Variants in IKZF4 observed in about 807,000 individuals in gnomAD.
IKZF4 encodes IKAROS family zinc finger 4, also known as zinc finger protein Eos.
Under a neutral mutation model 47.7 loss-of-function variants are expected in IKZF4, and 11 were observed. That is an observed-to-expected ratio of 0.23 (90% CI 0.15 to 0.38). The LOEUF is 0.38. Ranked by LOEUF, IKZF4 falls within the 10% of genes least tolerant of loss-of-function variation. IKZF4 has a pLI of 1.00. For missense variants in IKZF4, 557 were observed against 784.9 expected (o/e 0.71, Z 3.47); for synonymous variants, 298 against 299.4 (o/e 1.00, Z 0.05).
chr12:56,024,906 G>A (rs1893691841), intron 2 of IKZF4, 148 bp from the exon 3 acceptor site: 1 of 1,498,138 alleles, frequency 6.7e-7, no homozygotes, highest in Admixed American at 2.0e-5. Flanking sequence ...GGGGCACAAG[G>A]TATGGTGCCC....
At chr12:56,033,562 C>G (rs1895208223) in intron 7 of IKZF4, among the ~76,000 whole-genome samples, 2 of 152,138 alleles carry the variant, frequency 1.3e-5, no homozygotes, top group African/African-American at 2.4e-5. Context: ...AAAAAATTAG[C>G]CGGGCGTGGT....
At chr12:56,029,443 G>A (rs1894566497) in intron 5 of IKZF4, among the ~76,000 whole-genome samples, 1 of 152,186 alleles carries the variant, frequency 6.6e-6, no homozygotes, top group Non-Finnish European at 1.5e-5. Context: ...AAGAAAGGAA[G>A]GGGGAAAGAA....
upstream of IKZF4, among the ~76,000 whole-genome samples, chr12:56,020,157 G>C (rs548179057): frequency 2.0e-5 from 3 of 152,340 alleles, no homozygotes; most frequent in South Asian, 6.2e-4. Context: ...TCCACGCCAG[G>C]TGACCTTCCC....
chr12:56,021,228 C>G lies in IKZF4; in HGVS notation c.-266C>G. ...TATACACATATACATTCTCTCCAGC[C>G]CCCTCCCCAAGCACATCCAAGCGTG... On this transcript the variant is annotated 5_prime_UTR_variant, in exon 1 of 8. Coordinates refer to ENST00000547167, the MANE Select transcript of IKZF4 (RefSeq NM_022465.4). 2.8e-6 allele frequency: 4 copies of G among 1,452,658 alleles called. No homozygotes were observed. The highest frequency in any genetic ancestry group is 3.6e-6 in the Non-Finnish European group (4 of 1,103,828). 90.0% of individuals were successfully genotyped at this position (1,452,658 alleles called of 1,614,324 possible). A position where few individuals can be genotyped will look rare whatever the true frequency, so the allele number is the denominator to read the frequency against.
rs982148467 is a variant in IKZF4 at position 56,035,574 on chromosome 12, TGA to T, written c.*245_*246del. On this transcript the variant is annotated 3_prime_UTR_variant, in exon 8 of 8. Coordinates refer to ENST00000547167, the MANE Select transcript of IKZF4 (RefSeq NM_022465.4). This position sits in a 1 kb window ranked among gnomAD's most constrained non-coding sequence, Gnocchi z 6.1. ...TTTATCTTCTCTCATCCCAGCATAC[TGA>T]GTTATTTATTAATTAGTTGATTTAT... 4.8e-6 allele frequency: 2 copies of T among 415,244 alleles called. No homozygotes were observed. The highest frequency in any genetic ancestry group is 3.6e-5 in the East Asian group (1 of 27,432). 25.7% of individuals were successfully genotyped at this position (415,244 alleles called of 1,614,324 possible). A position where few individuals can be genotyped will look rare whatever the true frequency, so the allele number is the denominator to read the frequency against.
upstream of IKZF4, among the ~76,000 whole-genome samples, chr12:56,016,932 G>A (rs1307346287): frequency 6.6e-6 from 1 of 151,858 alleles, no homozygotes; most frequent in Non-Finnish European, 1.5e-5. Context: ...GTTTCACCAT[G>A]TTGGCCAGGC....
upstream of IKZF4, among the ~76,000 whole-genome samples, chr12:56,017,714 AG>A (rs550242336): frequency 1.4e-4 from 21 of 152,148 alleles, no homozygotes; most frequent in Non-Finnish European, 2.5e-4. Flanking sequence ...TCTTGGAGAC[AG>A]GGTCTCGCTC....
intron 1 of IKZF4, among the ~76,000 whole-genome samples, chr12:56,007,920 C>T (rs1890903359): frequency 1.3e-5 from 2 of 151,720 alleles, no homozygotes; most frequent in South Asian, 4.2e-4. Flanking sequence ...GAGTTTGGCC[C>T]GAGGCCCCAG....
In IKZF4 at chr12:56,021,503, C is replaced by G; in HGVS notation, c.10C>G (p.Pro4Ala). MHT[P>A]PALPRRFQGG... ...CCACTGAGACGCAGACATGCATACA[C>G]CACCCGCACTCCCTCGCCGTTTCCA... The change falls in exon 1 of 8, where the codon CCA becomes GCA. Residue 4 changes from proline to alanine, a missense_variant. Physicochemically the swap from Pro to Ala is conservative, Grantham distance 27 (BLOSUM62 -1). Transcript: ENST00000547167. 1 of 1,603,798 alleles carries G rather than the reference C, an allele frequency of 6.2e-7. No homozygotes were observed. Among genetic ancestry groups the G allele is most frequent in the Non-Finnish European group, 8.5e-7 (1 of 1,175,982 alleles).
upstream of IKZF4, among the ~76,000 whole-genome samples, chr12:56,020,275 T>G (rs537726020): frequency 1.3e-5 from 2 of 152,336 alleles, no homozygotes; most frequent in African/African-American, 2.4e-5. Context: ...TTTTCTCTTT[T>G]TAAAGGTACA....
At chr12:56,018,080 C>A, upstream of IKZF4, 1 of 1,211,318 alleles carries the variant, frequency 8.3e-7, no homozygotes, top group Non-Finnish European at 1.1e-6. Flanking sequence ...AGCCTCCTCC[C>A]TTCCCAGAGC....
intron 5 of IKZF4, 54 bp from the exon 6 acceptor site, chr12:56,032,507 G>C (rs1895049586): frequency 6.5e-7 from 1 of 1,542,834 alleles, no homozygotes; most frequent in East Asian, 2.3e-5. Flanking sequence ...AATCTGCAGA[G>C]CCAGGGCACA....
upstream of IKZF4, chr12:56,018,236 C>A: frequency 8.2e-7 from 1 of 1,224,488 alleles, no homozygotes; most frequent in Non-Finnish European, 1.1e-6. Flanking sequence ...TCCTGTAGAG[C>A]AGAGCAGAGA....
intron 7 of IKZF4, among the ~76,000 whole-genome samples, 180 bp from the exon 8 acceptor site, chr12:56,034,391 T>C (rs570664487): frequency 1.3e-5 from 2 of 152,176 alleles, no homozygotes; most frequent in Non-Finnish European, 2.9e-5. Context: ...TGAGTCCTTC[T>C]CTAAGATTAT....
upstream of IKZF4, chr12:56,018,028 T>G (rs938764493): frequency 1.3e-6 from 1 of 749,402 alleles, no homozygotes. Flanking sequence ...CATGCTTAAG[T>G]GCTCCTTTAG....
Position 56,021,138 on chromosome 12 carries a change from A to C in IKZF4, c.-356A>C, listed in dbSNP as rs1592918414. On this transcript the variant is annotated 5_prime_UTR_variant, in exon 1 of 8. Transcript: ENST00000547167. ...TCTGCCTTTCCCTCCCTGTGCACAC[A>C]CCCACCACCCACCCCCTTCACTGTC... is the stretch of plus-strand genomic sequence containing the variant. 7.9e-6 allele frequency: 11 copies of C among 1,391,042 alleles called. No individual in the cohort carries two copies. The highest frequency in any genetic ancestry group is 5.5e-5 in the East Asian group (2 of 36,566). The allele number at this position is 1,391,042 out of a possible 1,614,324, so 86.2% of individuals were successfully genotyped here. A position where few individuals can be genotyped will look rare whatever the true frequency, so the allele number is the denominator to read the frequency against.
Position 56,035,061 on chromosome 12 carries a change from A to G in IKZF4, c.1488A>G (p.Lys496=), listed in dbSNP as rs1172668230. The change falls in exon 8 of 8, where the codon AAA becomes AAG. Residue 496 remains lysine (K), a synonymous_variant. Coordinates refer to ENST00000547167, the MANE Select transcript of IKZF4 (RefSeq NM_022465.4). The surrounding 1 kb of genome is among the most constrained non-coding windows in gnomAD (Gnocchi z 6.1). ...VVGRHSPAYA[K]EDPKPQEGLL... is the part of the protein sequence containing the mutation. Reference sequence around the variant, plus strand: ...GCCGGCACAGTCCTGCCTACGCCAAAGAGGACCCCAAGCCACAGGAGGGGT... The same window carrying G: ...GCCGGCACAGTCCTGCCTACGCCAAGGAGGACCCCAAGCCACAGGAGGGGT... 2.5e-6 allele frequency: 4 copies of G among 1,583,034 alleles called. No individual in the cohort carries two copies. Among genetic ancestry groups the G allele is most frequent in the African/African-American group, 1.3e-5 (1 of 74,444 alleles).
chr12:56,034,110 C>T (rs1895346023), intron 7 of IKZF4, among the ~76,000 whole-genome samples: 2 of 152,148 alleles, frequency 1.3e-5, no homozygotes, highest in Middle Eastern at 3.4e-3. Flanking sequence ...ACCGTGTTAG[C>T]CAGGATGGTC....
chr12:56,026,891 T>G lies in IKZF4; in HGVS notation c.397T>G (p.Ser133Ala), dbSNP rs1463584952. Residue 133 changes from serine to alanine, a missense_variant, in exon 4 of 8, where the codon TCT (serine) becomes GCT (alanine). Physicochemically the swap from Ser to Ala is moderately conservative, Grantham distance 99. Around this residue, in one of 6 missense-constraint regions of IKZF4, gnomAD observed 112 missense variants for 168.2 expected, o/e 0.67. Transcript: ENST00000547167. ...DDSVIVEDSLSEPLGYCDGSG... is the reference protein window; with the variant it reads ...DDSVIVEDSLAEPLGYCDGSG... ...CAGCGTGATTGTGGAAGATTCATTGTCTGAGCCCCTGGGCTACTGTGATGG... is the reference window on the plus strand; with the variant it reads ...CAGCGTGATTGTGGAAGATTCATTGGCTGAGCCCCTGGGCTACTGTGATGG... 5 of 1,613,446 alleles carry G rather than the reference T, an allele frequency of 3.1e-6. No homozygotes were observed. Among genetic ancestry groups the G allele is most frequent in the Non-Finnish European group, 4.2e-6 (5 of 1,179,728 alleles).
Sources: allele counts gnomAD v4.1 joint callset (sites outside exome capture counted in the v4.1 genomes callset), GRCh38; gene constraint gnomAD v4.1.1; regional missense constraint gnomAD v4.1.1; non-coding constraint Gnocchi (gnomAD v3.1); transcripts MANE v1.5; gene names NCBI Gene and HGNC (gene_info 2026-07-23, HGNC 2026-07-21).